The following CRAMP1 variants were observed in gnomAD, a reference collection of about 807,000 sequenced individuals.
The protein encoded by CRAMP1 is protein cramped-like.
Under a neutral mutation model 115.4 loss-of-function variants are expected in CRAMP1, and 50 were observed. That is an observed-to-expected ratio of 0.43 (90% CI 0.35 to 0.55). The LOEUF (loss-of-function observed/expected upper bound fraction) is 0.55, where lower values mean the gene tolerates loss of function less well. CRAMP1 is among the 20% of genes least tolerant of loss of function. The pLI is 0.01. For missense variants in CRAMP1, 1,679 were observed against 1,721.7 expected (o/e 0.98, Z 0.44); for synonymous variants, 866 against 745.4 (o/e 1.16, Z -2.64).
At chr16:1,638,568 T>C (rs1444108138) in intron 5 of CRAMP1, among the ~76,000 whole-genome samples, 1 of 152,190 alleles carries the variant, frequency 6.6e-6, no homozygotes, top group East Asian at 1.9e-4. Flanking sequence ...GTAGGGACAT[T>C]GTAGACTTAC....
Position 1,665,050 on chromosome 16 carries a change from C to T in CRAMP1, c.2671-7C>T, listed in dbSNP as rs185808708. 103 of 1,599,462 alleles carry T rather than the reference C, an allele frequency of 6.4e-5. 1 individual carries two copies. In the Admixed American group the frequency reaches 1.7e-3, roughly 27 times the overall value. On this transcript the variant is annotated splice_polypyrimidine_tract_variant and splice_region_variant and intron_variant, in intron 13 of 20. Coordinates refer to ENST00000397412, the MANE Select transcript of CRAMP1 (RefSeq NM_020825.4). ...ATCACCTTGATTGTTGACCATTTTC[C>T]CCACAGAGAACACTGCTCCCTAGAC...
chr16:1,646,415 G>C (rs2036674752), intron 6 of CRAMP1, among the ~76,000 whole-genome samples: 1 of 152,212 alleles, frequency 6.6e-6, no homozygotes, highest in South Asian at 2.1e-4. Context: ...AGTAGGTGTG[G>C]AGTGGCATCA....
intron 2 of CRAMP1, among the ~76,000 whole-genome samples, chr16:1,617,508 A>C (rs1363767263): frequency 6.6e-6 from 1 of 152,276 alleles, no homozygotes; most frequent in African/African-American, 2.4e-5. Context: ...AGTGGTGAGC[A>C]TCTGTCAGGG....
Position 1,659,997 on chromosome 16 carries a change from C to T in CRAMP1, c.2347C>T (p.Pro783Ser), listed in dbSNP as rs374299928. The T allele has an allele frequency of 8.7e-6, 14 of 1,605,110 alleles. No homozygotes were observed. The African/African-American group carries it at 1.3e-4, about 15-fold the overall frequency. The change falls in exon 11 of 21, where the codon CCT becomes TCT. Residue 783 changes from proline to serine, a missense_variant. This residue lies in a region of CRAMP1 where 709 missense variants were observed against 741.9 expected (regional missense o/e 0.96). Coordinates refer to ENST00000397412, the MANE Select transcript of CRAMP1 (RefSeq NM_020825.4). Reference sequence around the variant, plus strand: ...CGTCAGCTCTCGCAGCCCCCGCTGCCCTCGGAACCAGGCCTCCCTCCGCAG... The same window carrying T: ...CGTCAGCTCTCGCAGCCCCCGCTGCTCTCGGAACCAGGCCTCCCTCCGCAG... Reference protein sequence around the residue: ...VTVSSRSPRCPRNQASLRSSK... With the variant: ...VTVSSRSPRCSRNQASLRSSK...
chr16:1,635,348 T>A (rs948408075), intron 4 of CRAMP1, among the ~76,000 whole-genome samples: 2 of 152,254 alleles, frequency 1.3e-5, no homozygotes, highest in Non-Finnish European at 2.9e-5. Flanking sequence ...TGTGTTCGTC[T>A]TACTAATCTC....
intron 14 of CRAMP1, 187 bp from the exon 15 acceptor site, chr16:1,665,886 G>A (rs757944551): frequency 1.2e-5 from 7 of 588,244 alleles, no homozygotes; most frequent in Non-Finnish European, 2.1e-5. Flanking sequence ...CAGAGCTTGT[G>A]TCACGTTGGG....
At chr16:1,670,901 G>A (rs2036917168) in intron 20 of CRAMP1, 92 bp downstream of exon 20, 12 of 1,253,870 alleles carry the variant, frequency 9.6e-6, no homozygotes, top group Admixed American at 2.1e-5. Context: ...GTTAGTAAGA[G>A]CTGTTTGCCA....
intron 13 of CRAMP1, among the ~76,000 whole-genome samples, chr16:1,663,063 T>G (rs2036846556): frequency 6.6e-6 from 1 of 152,206 alleles, no homozygotes; most frequent in Admixed American, 6.5e-5. Flanking sequence ...AAAAAGACAA[T>G]TATAGGGATT....
chr16:1,655,130 C>A, intron 8 of CRAMP1, 89 bp from the exon 9 acceptor site: 1 of 1,172,586 alleles, frequency 8.5e-7, no homozygotes, highest in South Asian at 1.2e-5. Context: ...TCTTTTGGCA[C>A]CCTCCTGCTG....
At chr16:1,641,360 C>T (rs34993817) in intron 6 of CRAMP1, among the ~76,000 whole-genome samples, 173 bp downstream of exon 6, 12,236 of 152,204 alleles carry the variant, frequency 0.08, 552 homozygotes, top group African/African-American at 0.11. Flanking sequence ...GCAGTGACTG[C>T]GCCCAGAGCC....
At chr16:1,655,450 G>C (rs972616113) in intron 9 of CRAMP1, 150 bp downstream of exon 9, 13 of 710,376 alleles carry the variant, frequency 1.8e-5, no homozygotes, top group Non-Finnish European at 3.0e-5. Context: ...ACCATAACCT[G>C]GAGCCCCTTA....
chr16:1,660,574 G>T (rs1233693658), intron 11 of CRAMP1, among the ~76,000 whole-genome samples: 3 of 152,192 alleles, frequency 2.0e-5, no homozygotes, highest in Non-Finnish European at 2.9e-5. Context: ...ATCATAAATT[G>T]TGTTCCTGGT....
chr16:1,662,847 C>G lies in CRAMP1; in HGVS notation c.2670+12C>G, dbSNP rs773074305. The G allele has an allele frequency of 1.2e-6, 2 of 1,612,226 alleles. No homozygotes were observed. Among genetic ancestry groups the G allele is most frequent in the South Asian group, 2.2e-5 (2 of 90,932 alleles). The stretch of plus-strand genomic sequence containing the variant: ...CACTGGTGGTCCAGGTCAGGGTCTT[C>G]TCAAGTCTGAACGTGTGGCCTCGTG... On this transcript the variant is annotated intron_variant, in intron 13 of 20. Coordinates refer to ENST00000397412, the MANE Select transcript of CRAMP1 (RefSeq NM_020825.4).
chr16:1,615,806 C>T (rs755151003), intron 2 of CRAMP1, among the ~76,000 whole-genome samples: 6 of 152,122 alleles, frequency 3.9e-5, no homozygotes, highest in African/African-American at 7.2e-5. Flanking sequence ...CGACCATGTT[C>T]GCAGCACTTT....
chr16:1,654,680 G>A (rs896865537), intron 8 of CRAMP1, among the ~76,000 whole-genome samples: 15 of 151,986 alleles, frequency 9.9e-5, no homozygotes, highest in African/African-American at 3.6e-4. Flanking sequence ...ACGGCCGCCG[G>A]CACCTCCCAG....
chr16:1,629,551 T>G (rs929867271), intron 3 of CRAMP1, among the ~76,000 whole-genome samples: 2 of 152,162 alleles, frequency 1.3e-5, no homozygotes, highest in Admixed American at 6.5e-5. Flanking sequence ...CCTGGGACTT[T>G]AGGAGGCAGC....
At chr16:1,647,396 C>G (rs1455456671) in intron 6 of CRAMP1, among the ~76,000 whole-genome samples, 1 of 152,134 alleles carries the variant, frequency 6.6e-6, no homozygotes, top group East Asian at 1.9e-4. Flanking sequence ...AGGGATTACT[C>G]TGTTTTCGAT....
chr16:1,667,332 C>A lies in CRAMP1; in HGVS notation c.3037-3C>A. 6.2e-7 allele frequency: 1 copy of A among 1,612,880 alleles called. No individual in the cohort carries two copies. Among genetic ancestry groups the A allele is most frequent in the Non-Finnish European group, 8.5e-7 (1 of 1,179,584 alleles). ...GCTGCTCATGGGCGTGCTCTTCCTG[C>A]AGGGCTCCGACCCATTTGTCAGCAT... On this transcript the variant is annotated splice_region_variant and splice_polypyrimidine_tract_variant and intron_variant, in intron 16 of 20. Transcript: ENST00000397412.
rs1167008460 is a variant in CRAMP1 at position 1,676,802 on chromosome 16, T to G, written c.*2757T>G. On this transcript the variant is annotated 3_prime_UTR_variant, in exon 21 of 21. Transcript: ENST00000397412. ...GGCATTGCGTGCCTCGGGGGATGCC[T>G]AGTTCGTGGCTTCCTGGCTGTTTTG... The G allele has an allele frequency of 6.6e-6, 1 of 152,280 alleles. No homozygotes were observed. The highest frequency in any genetic ancestry group is 1.9e-4 in the East Asian group (1 of 5,200). The allele number at this position is 152,280 out of a possible 1,614,324, so 9.4% of individuals were successfully genotyped here.
Sources: gnomAD v4.1 joint callset for allele counts (sites outside exome capture counted in the v4.1 genomes callset) on GRCh38, gnomAD v4.1.1 for gene constraint, gnomAD v4.1.1 regional missense constraint, MANE v1.5 for transcripts, NCBI Gene and HGNC (gene_info 2026-07-23, HGNC 2026-07-21) for gene names.